Variants in PCDHA12 observed in about 807,000 individuals in gnomAD.
The protein encoded by PCDHA12 is protocadherin alpha-12.
In PCDHA12, 44 loss-of-function variants were observed where a neutral mutation model predicts 60.0. The ratio of observed to expected loss-of-function variants is 0.73; its 90% confidence interval spans 0.58 to 0.94. PCDHA12 has a LOEUF of 0.94. Among genes scored for constraint, PCDHA12 ranks in the 40% least tolerant of loss-of-function variants. PCDHA12 has a pLI of 0.00. For missense variants in PCDHA12, 1,276 were observed against 1,239.7 expected (o/e 1.03, Z -0.44); for synonymous variants, 569 against 553.0 (o/e 1.03, Z -0.40).
rs115903226 is a variant in PCDHA12 at position 140,929,361 on chromosome 5, C to A, written c.2368-49588C>A. 4,899 of 1,519,562 alleles carry A rather than the reference C, an allele frequency of 3.2e-3. 25 individuals carry two copies. The highest frequency in any genetic ancestry group is 0.019 in the African/African-American group (1,394 of 71,916). 94.1% of individuals were successfully genotyped at this position (1,519,562 alleles called of 1,614,324 possible). On this transcript the variant is annotated intron_variant, in intron 1 of 3. Coordinates refer to ENST00000398631, the MANE Select transcript of PCDHA12 (RefSeq NM_018903.4). ...TTTATGGAATTTGATTCCTTTGGCC[C>A]GGAGATGGCTGCTAGCTGTGTTTTG...
chr5:140,916,864 T>A (rs2077768356), intron 1 of PCDHA12, among the ~76,000 whole-genome samples: 1 of 152,156 alleles, frequency 6.6e-6, no homozygotes, highest in African/African-American at 2.4e-5. Flanking sequence ...AGGAGTTACC[T>A]AGGAATTGCA....
chr5:140,949,068 CTT>C (rs1199095008), intron 1 of PCDHA12, among the ~76,000 whole-genome samples: 2 of 151,676 alleles, frequency 1.3e-5, no homozygotes, highest in African/African-American at 4.8e-5. Context: ...TGATTTAACT[CTT>C]TCACCCATTT....
At chr5:140,930,356 A>G (rs1554207746) in intron 1 of PCDHA12, 1 of 152,106 alleles carries the variant, frequency 6.6e-6, no homozygotes, top group African/African-American at 2.4e-5. Context: ...CAAATATTTC[A>G]ATTTATCTGT....
chr5:140,958,915 G>T (rs1162016056), intron 1 of PCDHA12, among the ~76,000 whole-genome samples: 13 of 150,674 alleles, frequency 8.6e-5, no homozygotes, highest in Non-Finnish European at 1.8e-4. Flanking sequence ...AAGTCTGCCT[G>T]GGTGTGGTGG....
At position 140,979,482 on chromosome 5, in the gene PCDHA12, C is replaced by A. The variant is rs568650143; in HGVS notation, c.2426+475C>A. On this transcript the variant is annotated intron_variant, in intron 2 of 3. Coordinates refer to ENST00000398631, the MANE Select transcript of PCDHA12 (RefSeq NM_018903.4). Reference sequence around the variant, plus strand: ...ATTGATTGCTATTGTTGTTTGTGTTCACACCTATTAGAGCCTCCTCATCTT... The same window carrying A: ...ATTGATTGCTATTGTTGTTTGTGTTAACACCTATTAGAGCCTCCTCATCTT... Among the ~76,000 whole-genome samples, 6 of 152,068 alleles carry A rather than the reference C, an allele frequency of 3.9e-5. No homozygotes were observed. In the South Asian group the frequency reaches 1.0e-3, roughly 26 times the overall value.
At chr5:140,954,692 C>T (rs1428031536) in intron 1 of PCDHA12, among the ~76,000 whole-genome samples, 10 of 151,966 alleles carry the variant, frequency 6.6e-5, no homozygotes, top group African/African-American at 2.4e-4. Flanking sequence ...GATGGATAGA[C>T]TACAAAATTT....
At chr5:140,882,112 C>T (rs1399071152) in intron 1 of PCDHA12, 2 of 1,384,570 alleles carry the variant, frequency 1.4e-6, no homozygotes, top group Non-Finnish European at 1.9e-6. Flanking sequence ...CGAAGAAAGC[C>T]GCCGTTTCTT....
intron 1 of PCDHA12, among the ~76,000 whole-genome samples, chr5:140,914,503 T>C (rs2879076): frequency 0.12 from 17,707 of 152,222 alleles, 1,150 homozygotes; most frequent in Middle Eastern, 0.19. Context: ...CAACAGATCA[T>C]TGGGTCATGT....
intron 1 of PCDHA12, among the ~76,000 whole-genome samples, chr5:140,916,719 A>G (rs921368119): frequency 2.0e-5 from 3 of 152,128 alleles, no homozygotes; most frequent in Non-Finnish European, 2.9e-5. Context: ...GGAAGGAGTG[A>G]CTTTTGTTGC....
At chr5:140,968,474 G>A (rs1394773296) in intron 1 of PCDHA12, 2 of 1,614,110 alleles carry the variant, frequency 1.2e-6, no homozygotes, top group Non-Finnish European at 1.7e-6. Flanking sequence ...CGTATATGTG[G>A]TGGACATGAA....
At chr5:140,916,252 G>A (rs2077495466) in intron 1 of PCDHA12, among the ~76,000 whole-genome samples, 1 of 152,176 alleles carries the variant, frequency 6.6e-6, no homozygotes, top group Admixed American at 6.5e-5. Flanking sequence ...TGGACTTGGG[G>A]ACCCCAAGAG....
At chr5:140,891,218 A>G (rs1554184722) in intron 1 of PCDHA12, among the ~76,000 whole-genome samples, 1 of 152,044 alleles carries the variant, frequency 6.6e-6, no homozygotes, top group African/African-American at 2.4e-5. Flanking sequence ...CTGTGTCTTT[A>G]TAATCATCCT....
Position 141,010,445 on chromosome 5 carries a change from A to C in PCDHA12, c.*508A>C. On this transcript the variant is annotated 3_prime_UTR_variant, in exon 4 of 4. Transcript: ENST00000398631. ...AAGGCAAGAAAACAAAGACAAATAA[A>C]CAGCGGAAGTTATCAGTATGGAGGG... 1.1e-6 allele frequency: 1 copy of C among 944,134 alleles called. No individual in the cohort carries two copies. The highest frequency in any genetic ancestry group is 1.5e-6 in the Non-Finnish European group (1 of 656,048). 58.5% of individuals were successfully genotyped at this position (944,134 alleles called of 1,614,324 possible).
chr5:140,938,124 A>G (rs2091929948), intron 1 of PCDHA12, among the ~76,000 whole-genome samples: 1 of 152,076 alleles, frequency 6.6e-6, no homozygotes, highest in South Asian at 2.1e-4. Flanking sequence ...TTTTTTTAAA[A>G]AAATAGAGAT....
At chr5:140,955,124 CTG>C (rs1404094455) in intron 1 of PCDHA12, among the ~76,000 whole-genome samples, 1 of 152,016 alleles carries the variant, frequency 6.6e-6, no homozygotes. Context: ...TTCTGTTCCA[CTG>C]GTCTACACGT....
At chr5:140,945,200 A>G (rs2093757745) in intron 1 of PCDHA12, among the ~76,000 whole-genome samples, 1 of 152,168 alleles carries the variant, frequency 6.6e-6, no homozygotes, top group South Asian at 2.1e-4. Context: ...GCTATTTACA[A>G]TAGCTATGAG....
intron 1 of PCDHA12, among the ~76,000 whole-genome samples, chr5:140,886,264 A>T (rs1471846282): frequency 3.3e-5 from 5 of 151,982 alleles, no homozygotes; most frequent in Admixed American, 3.3e-4. Flanking sequence ...CTATTTATAG[A>T]TAAAATTTTT....
At chr5:140,882,971 G>C in intron 1 of PCDHA12, 1 of 1,614,206 alleles carries the variant, frequency 6.2e-7, no homozygotes, top group Non-Finnish European at 8.5e-7. Flanking sequence ...GATTCTGGAC[G>C]TGAATGACAA....
chr5:140,979,306 C>T (rs1554240481), intron 2 of PCDHA12, among the ~76,000 whole-genome samples: 1 of 152,206 alleles, frequency 6.6e-6, no homozygotes, highest in African/African-American at 2.4e-5. Context: ...CTTCATCCCT[C>T]TCTACCTATG....
Sources: allele counts gnomAD v4.1 joint callset (sites outside exome capture counted in the v4.1 genomes callset), GRCh38; gene constraint gnomAD v4.1.1; transcripts MANE v1.5; gene names NCBI Gene and HGNC (gene_info 2026-07-23, HGNC 2026-07-21).